Variants in MAP4K4 observed in about 807,000 individuals in gnomAD.
MAP4K4 encodes mitogen-activated protein kinase kinase kinase kinase 4, also known as HPK/GCK-like kinase HGK.
Under a neutral mutation model 189.6 loss-of-function variants are expected in MAP4K4, and 38 were observed. The ratio of observed to expected loss-of-function variants is 0.20; its 90% CI spans 0.15 to 0.26. The LOEUF (loss-of-function observed/expected upper bound fraction) is 0.26, where lower values mean the gene tolerates loss of function less well. Ranked by LOEUF, MAP4K4 falls within the 10% of genes least tolerant of loss-of-function variation. The pLI, the probability that MAP4K4 is intolerant of heterozygous loss-of-function variation, is 1.00. For missense variants in MAP4K4, 1,054 were observed against 1,726.9 expected (o/e 0.61, Z 6.91); for synonymous variants, 610 against 624.3 (o/e 0.98, Z 0.34).
At chr2:101,749,476 G>T (rs1325887122) in intron 2 of MAP4K4, among the ~76,000 whole-genome samples, 1 of 150,606 alleles carries the variant, frequency 6.6e-6, no homozygotes, top group Non-Finnish European at 1.5e-5. Context: ...GCTGAAACTG[G>T]ATCCCTTCCT....
chr2:101,745,534 C>T (rs1342970814), intron 2 of MAP4K4, among the ~76,000 whole-genome samples: 2 of 150,400 alleles, frequency 1.3e-5, no homozygotes, highest in Non-Finnish European at 3.0e-5. Context: ...GCCATGAGTT[C>T]TAAGCTTTTT....
intron 12 of MAP4K4, among the ~76,000 whole-genome samples, chr2:101,848,667 A>G (rs1310270384): frequency 1.3e-5 from 2 of 152,046 alleles, no homozygotes; most frequent in Non-Finnish European, 2.9e-5. Flanking sequence ...TTTGCAGGTG[A>G]GGGAGGGTGC....
At chr2:101,719,080 G>C (rs2149412134) in intron 2 of MAP4K4, among the ~76,000 whole-genome samples, 1 of 152,300 alleles carries the variant, frequency 6.6e-6, no homozygotes, top group South Asian at 2.1e-4. Flanking sequence ...GGATGTTGAT[G>C]TAGGAAGAGG....
chr2:101,845,951 A>T (rs1400374485), intron 12 of MAP4K4, among the ~76,000 whole-genome samples: 1 of 152,172 alleles, frequency 6.6e-6, no homozygotes, highest in Non-Finnish European at 1.5e-5. Context: ...ATATTATCCT[A>T]CTAATTTAAC....
intron 2 of MAP4K4, among the ~76,000 whole-genome samples, chr2:101,727,844 T>G (rs2056384897): frequency 6.6e-6 from 1 of 152,110 alleles, no homozygotes; most frequent in Non-Finnish European, 1.5e-5. Flanking sequence ...TGGCATGAGC[T>G]TATAGTTCCA....
intron 2 of MAP4K4, among the ~76,000 whole-genome samples, chr2:101,777,357 C>G (rs2084779324): frequency 1.3e-5 from 2 of 152,126 alleles, no homozygotes; most frequent in Admixed American, 6.5e-5. Flanking sequence ...CTGCTATTGA[C>G]AAGAAGGAGT....
Position 101,838,214 on chromosome 2 carries a change from T to C in MAP4K4, c.774-1605T>C, listed in dbSNP as rs141594683. On this transcript the variant is annotated intron_variant, in intron 9 of 32. Coordinates refer to ENST00000324219, the Ensembl canonical transcript of MAP4K4. ...CTTTTGGAATCTTTTAACTGATGGC[T>C]CCAACCTCAAAGTTTCTGGTCTGGG... Among the ~76,000 whole-genome samples the C allele has an allele frequency of 1.1e-4, 17 of 152,346 alleles. No individual in the cohort carries two copies. The East Asian group carries it at 2.1e-3, about 19-fold the overall frequency.
intron 3 of MAP4K4, among the ~76,000 whole-genome samples, chr2:101,796,276 A>G (rs2093679450): frequency 6.6e-6 from 1 of 152,162 alleles, no homozygotes; most frequent in African/African-American, 2.4e-5. Context: ...AACTTGTTAG[A>G]AATGTAGCCT....
intron 5 of MAP4K4, among the ~76,000 whole-genome samples, chr2:101,826,338 C>T (rs914728816): frequency 1.3e-5 from 2 of 150,698 alleles, no homozygotes; most frequent in Admixed American, 6.7e-5. Flanking sequence ...ATCTAGACTT[C>T]CTAGAGAAAT....
chr2:101,864,082 T>G, intron 17 of MAP4K4, 31 bp downstream of exon 17: 1 of 1,202,054 alleles, frequency 8.3e-7, no homozygotes. Flanking sequence ...TGTGTGCTGC[T>G]TTTTTCCTTT....
intron 2 of MAP4K4, among the ~76,000 whole-genome samples, chr2:101,742,962 C>T (rs1475278295): frequency 4.6e-5 from 7 of 152,156 alleles, no homozygotes; most frequent in Non-Finnish European, 7.3e-5. Context: ...AGGCCCACGT[C>T]CTGCTCTTTT....
At chr2:101,847,236 A>G (rs149506899) in intron 12 of MAP4K4, among the ~76,000 whole-genome samples, 3 of 152,358 alleles carry the variant, frequency 2.0e-5, no homozygotes, top group African/African-American at 7.2e-5. Context: ...GTATAAAAGT[A>G]TAGCACATAC....
intron 2 of MAP4K4, among the ~76,000 whole-genome samples, chr2:101,755,158 AG>A (rs1399058946): frequency 6.6e-6 from 1 of 150,376 alleles, no homozygotes; most frequent in Admixed American, 6.6e-5. Context: ...AAAAAAAATT[AG>A]TTTGTTGTTT....
chr2:101,747,260 A>G (rs992354314), intron 2 of MAP4K4, among the ~76,000 whole-genome samples: 2 of 152,092 alleles, frequency 1.3e-5, no homozygotes, highest in Non-Finnish European at 2.9e-5. Context: ...CTGGGATTAT[A>G]GGCACCTGAT....
chr2:101,816,654 G>A (rs988460131), intron 3 of MAP4K4, among the ~76,000 whole-genome samples: 2 of 152,110 alleles, frequency 1.3e-5, no homozygotes, highest in Non-Finnish European at 2.9e-5. Flanking sequence ...CTTTTGCTCC[G>A]GGAATGACTT....
intron 12 of MAP4K4, among the ~76,000 whole-genome samples, chr2:101,845,176 A>T (rs56788977): frequency 0.015 from 2,114 of 143,162 alleles, 49 homozygotes; most frequent in African/African-American, 0.049. Flanking sequence ...TAAGCCAAAA[A>T]AAAAATAAAA....
chr2:101,779,974 C>T (rs72989333), intron 2 of MAP4K4, among the ~76,000 whole-genome samples: 169 of 152,184 alleles, frequency 1.1e-3, no homozygotes, highest in African/African-American at 3.8e-3. Context: ...TCTTCTAAAC[C>T]GTGCTACTGG....
chr2:101,854,211 A>G (rs1209492450), intron 12 of MAP4K4, among the ~76,000 whole-genome samples: 1 of 152,210 alleles, frequency 6.6e-6, no homozygotes, highest in Non-Finnish European at 1.5e-5. Flanking sequence ...ATGGTAGTGC[A>G]AGAGACTTTA....
In MAP4K4 at chr2:101,821,981, T is replaced by C. The variant is rs534087000; in HGVS notation, c.181-1947T>C. On this transcript the variant is annotated intron_variant, in intron 3 of 32. Transcript: ENST00000324219. ...ATGGTCAGGCTCATCAGTATCCCTGTCTTCCACTTCCACATCTTGTCCCAG... is the reference window on the plus strand; with the variant it reads ...ATGGTCAGGCTCATCAGTATCCCTGCCTTCCACTTCCACATCTTGTCCCAG... Among the ~76,000 whole-genome samples, 36 of 152,332 alleles carry C rather than the reference T, an allele frequency of 2.4e-4. No homozygotes were observed. The East Asian group carries it at 6.9e-3, about 29-fold the overall frequency.
Sources: gnomAD v4.1 joint callset for allele counts (sites outside exome capture counted in the v4.1 genomes callset) on GRCh38, gnomAD v4.1.1 for gene constraint, MANE v1.5 for transcripts, NCBI Gene and HGNC (gene_info 2026-07-23, HGNC 2026-07-21) for gene names.